Variants in LRP2 observed in about 807,000 individuals in gnomAD.
LRP2 encodes the protein low-density lipoprotein receptor-related protein 2.
A neutral mutation model predicts 531.0 loss-of-function variants in LRP2; 172 were observed. The observed-to-expected ratio is 0.32, with a 90% CI of 0.29 to 0.37. LRP2 has a LOEUF of 0.37. Ranked by LOEUF, LRP2 falls within the 10% of genes least tolerant of loss-of-function variation. The pLI, the probability that LRP2 is intolerant of heterozygous loss-of-function variation, is 1.00. For synonymous variants in LRP2, 1,992 were observed against 2,027.6 expected (o/e 0.98, Z 0.47); for missense variants, 5,167 against 5,868.3 (o/e 0.88, Z 3.90).
chr2:169,194,735 T>TTG (rs1687946832), intron 46 of LRP2, among the ~76,000 whole-genome samples: 2 of 149,616 alleles, frequency 1.3e-5, no homozygotes, highest in African/African-American at 4.9e-5. Context: ...TTTTTTTTTT[T>TTG]TTTGGAGACA....
chr2:169,176,392 A>T lies in LRP2; in HGVS notation c.10571+19T>A. ...CACGGGCTAGAGAGGCACTGAGGAGAGGGGAAAGAGAGCCTTACTTTTCAT... is the reference window on the plus strand; with the variant it reads ...CACGGGCTAGAGAGGCACTGAGGAGTGGGGAAAGAGAGCCTTACTTTTCAT... On this transcript the variant is annotated intron_variant, in intron 54 of 78. Transcript: ENST00000649046. 6.2e-7 allele frequency: 1 copy of T among 1,613,968 alleles called. No homozygotes were observed. Among genetic ancestry groups the T allele is most frequent in the Non-Finnish European group, 8.5e-7 (1 of 1,179,978 alleles).
In LRP2 at chr2:169,169,817, C is replaced by T; in HGVS notation, c.11382G>A (p.Glu3794=). ...CGDNSDERDC[E]MRTCHPEYFQ... ...AATATTCAGGATGGCAGGTCCTCATCTCTGAAGAGAAAAGATTGTCATTCC... is the reference window on the plus strand; with the variant it reads ...AATATTCAGGATGGCAGGTCCTCATTTCTGAAGAGAAAAGATTGTCATTCC... Residue 3794 remains glutamate, a splice_region_variant and synonymous_variant, in exon 60 of 79, where the codon GAG becomes GAA. Transcript: ENST00000649046. 5 of 1,599,968 alleles carry T rather than the reference C, an allele frequency of 3.1e-6. No homozygotes were observed. The highest frequency in any genetic ancestry group is 4.3e-6 in the Non-Finnish European group (5 of 1,167,170).
In LRP2 at chr2:169,212,142, C is replaced by T. The variant is rs34041086; in HGVS notation, c.6106G>A (p.Val2036Ile). ...MNACQQICLP[V>I]PGGLFSCACA... The stretch of plus-strand genomic sequence containing the variant: ...GCGCAGGAAAACAATCCTCCTGGTA[C>T]AGGCAGGCAAATCTGCTGACAGGCA... The change falls in exon 37 of 79, where the codon GTA becomes ATA. Residue 2036 changes from valine to isoleucine, a missense_variant. Around this residue, in one of 6 missense-constraint regions of LRP2, gnomAD observed 2,811 missense variants for 3,058.0 expected, o/e 0.92. Transcript: ENST00000649046. 152 of 1,614,064 alleles carry T rather than the reference C, an allele frequency of 9.4e-5. No homozygotes were observed. In the Middle Eastern group the frequency reaches 9.9e-4, roughly 11 times the overall value.
At chr2:169,137,309 T>A in intron 76 of LRP2, 83 bp downstream of exon 76, 4 of 1,044,424 alleles carry the variant, frequency 3.8e-6, no homozygotes. Flanking sequence ...GGAGGGAAGG[T>A]TAGGAAAATC....
chr2:169,303,311 A>T (rs1684332350), intron 4 of LRP2, among the ~76,000 whole-genome samples: 1 of 152,218 alleles, frequency 6.6e-6, no homozygotes, highest in Non-Finnish European at 1.5e-5. Flanking sequence ...ATCTTTTAAG[A>T]GCACAGGCAT....
At chr2:169,129,494 C>T (rs1685208331) in intron 77 of LRP2, among the ~76,000 whole-genome samples, 1 of 152,176 alleles carries the variant, frequency 6.6e-6, no homozygotes, top group Non-Finnish European at 1.5e-5. Flanking sequence ...AACTCTTATT[C>T]CCTAAAGTAA....
chr2:169,270,906 G>A lies in LRP2; in HGVS notation c.2318C>T (p.Thr773Ile). The change falls in exon 16 of 79, where the codon ACA (threonine) becomes ATA (isoleucine). Residue 773 changes from threonine to isoleucine, a missense_variant and splice_region_variant. By Grantham distance (89) the Thr-to-Ile change is moderately conservative. Transcript: ENST00000649046. ...ACACACACACAAACCTTTCTCACCT[G>A]TGCCATCAATCTTTTGCTTAAAAAT... ...HMIFKQKIDGTGREILAANRV... is the reference protein window; with the variant it reads ...HMIFKQKIDGIGREILAANRV... The A allele has an allele frequency of 6.2e-7, 1 of 1,612,046 alleles. No individual in the cohort carries two copies. Among genetic ancestry groups the A allele is most frequent in the Admixed American group, 1.7e-5 (1 of 59,762 alleles).
At chr2:169,319,204 G>T (rs1684847261) in intron 2 of LRP2, among the ~76,000 whole-genome samples, 1 of 152,146 alleles carries the variant, frequency 6.6e-6, no homozygotes, top group Non-Finnish European at 1.5e-5. Flanking sequence ...CATTAACTGT[G>T]AGTTACTGTT....
At position 169,225,670 on chromosome 2, in the gene LRP2, A is replaced by C. The variant is rs17848161; in HGVS notation, c.5395-217T>G. Among the ~76,000 whole-genome samples, 724 of 152,360 alleles carry C rather than the reference A, an allele frequency of 4.8e-3. 2 individuals carry two copies. The highest frequency in any genetic ancestry group is 0.019 in the East Asian group (96 of 5,186). ...AAGGCTTACCATTCAGGCTATCTCC[A>C]GTACTGGCTACAGAGATAGTTCTTA... On this transcript the variant is annotated intron_variant, in intron 32 of 78. Transcript: ENST00000649046.
Position 169,197,041 on chromosome 2 carries a change from G to A in LRP2, c.8579-11C>T, listed in dbSNP as rs533424859. The A allele has an allele frequency of 2.5e-6, 4 of 1,613,186 alleles. No homozygotes were observed. In the African/African-American group the frequency reaches 4.0e-5, roughly 16 times the overall value. On this transcript the variant is annotated splice_polypyrimidine_tract_variant and intron_variant, in intron 45 of 78. Transcript: ENST00000649046. ...TGCACGTGTGAGTGGCTGCAGGAGG[G>A]AAAGAAGATAAAACCCATGAGCAAA...
intron 53 of LRP2, 70 bp downstream of exon 53, chr2:169,177,733 T>C (rs1687251902): frequency 1.5e-6 from 2 of 1,303,712 alleles, no homozygotes; most frequent in Non-Finnish European, 2.2e-6. Context: ...ACGAAGTTCA[T>C]GCTTAAAGAC....
Position 169,127,576 on chromosome 2 carries a change from G to T in LRP2, c.*1087C>A, listed in dbSNP as rs1186807689. On this transcript the variant is annotated 3_prime_UTR_variant, in exon 79 of 79. Transcript: ENST00000649046. ...AAAAACCAATAAGAATTAAAGAAAA[G>T]ATCTGGACTGTACAGTACATTCTAA... is the stretch of plus-strand genomic sequence containing the variant. 1.9e-5 allele frequency: 2 copies of T among 103,660 alleles called. No individual in the cohort carries two copies. Among genetic ancestry groups the T allele is most frequent in the African/African-American group, 3.7e-5 (1 of 26,892 alleles). 6.4% of individuals were successfully genotyped at this position (103,660 alleles called of 1,614,324 possible).
intron 1 of LRP2, among the ~76,000 whole-genome samples, chr2:169,349,156 A>T (rs1559086975): frequency 6.6e-6 from 1 of 152,234 alleles, no homozygotes; most frequent in Non-Finnish European, 1.5e-5. Flanking sequence ...AAGGAAATAA[A>T]CAAACAACTA....
In LRP2 at chr2:169,239,507, C is replaced by T. The variant is rs377152498; in HGVS notation, c.4294+20G>A. On this transcript the variant is annotated intron_variant, in intron 26 of 78. Coordinates refer to ENST00000649046, the MANE Select transcript of LRP2 (RefSeq NM_004525.3). The stretch of plus-strand genomic sequence containing the variant: ...TCTGGGATGTGCTGATAAACTGGCT[C>T]GGGTTAGTTCAGCAATTACCTGTAA... The T allele has an allele frequency of 9.5e-5, 153 of 1,613,832 alleles. No homozygotes were observed. Among genetic ancestry groups the T allele is most frequent in the Non-Finnish European group, 1.1e-4 (133 of 1,179,868 alleles).
chr2:169,302,754 T>TA (rs398104957), intron 4 of LRP2, among the ~76,000 whole-genome samples: 1 of 151,232 alleles, frequency 6.6e-6, no homozygotes, highest in East Asian at 1.9e-4. Flanking sequence ...TTTTTTTTTT[T>TA]AACAAGTAAA....
intron 46 of LRP2, 93 bp downstream of exon 46, chr2:169,196,818 A>G: frequency 6.4e-7 from 1 of 1,554,002 alleles, no homozygotes; most frequent in Non-Finnish European, 8.8e-7. Context: ...AGCATTCAGC[A>G]GCCATGACCC....
intron 8 of LRP2, among the ~76,000 whole-genome samples, chr2:169,289,847 A>G (rs1683954598): frequency 6.6e-6 from 1 of 151,966 alleles, no homozygotes; most frequent in African/African-American, 2.4e-5. Flanking sequence ...TCTCTTATTA[A>G]TTTTTAAGCT....
At chr2:169,241,538 T>C (rs1056875846) in intron 24 of LRP2, among the ~76,000 whole-genome samples, 173 bp from the exon 25 acceptor site, 4 of 152,292 alleles carry the variant, frequency 2.6e-5, no homozygotes, top group African/African-American at 4.8e-5. Flanking sequence ...CTCTAGTACA[T>C]AGAAATATTT....
intron 16 of LRP2, among the ~76,000 whole-genome samples, chr2:169,262,209 A>G (rs830985): frequency 0.59 from 84,848 of 142,966 alleles, 25,801 homozygotes; most frequent in East Asian, 0.91. Flanking sequence ...CTCTCTCACC[A>G]CTCCTATTCA....
Sources: gnomAD v4.1 joint callset for allele counts (sites outside exome capture counted in the v4.1 genomes callset) on GRCh38, gnomAD v4.1.1 for gene constraint, gnomAD v4.1.1 regional missense constraint, MANE v1.5 for transcripts, NCBI Gene and HGNC (gene_info 2026-07-23, HGNC 2026-07-21) for gene names.